ACOT8: variants seen among roughly 807,000 people sequenced by gnomAD.
ACOT8 encodes acyl-CoA thioesterase 8, also known as acyl-coenzyme A thioesterase 8.
In ACOT8, 31 loss-of-function variants were observed where a neutral mutation model predicts 38.4. That is an observed-to-expected ratio of 0.81 (90% CI 0.61 to 1.09). ACOT8 has a LOEUF of 1.09. Among genes scored for constraint, ACOT8 ranks in the 50% least tolerant of loss-of-function variants. ACOT8 has a pLI of 0.00. For synonymous variants in ACOT8, 158 were observed against 170.3 expected, an observed-to-expected ratio of 0.93 and a Z score of 0.56; for missense variants, 373 against 421.8, an observed-to-expected ratio of 0.88 and a Z score of 1.01.
chr20:45,843,444 A>C, intron 5 of ACOT8, 83 bp downstream of exon 5: 1 of 1,514,796 alleles, frequency 6.6e-7, no homozygotes, highest in Non-Finnish European at 8.9e-7. Flanking sequence ...CCACACAGGA[A>C]GTCGGGAAAT....
chr20:45,844,930 A>G (rs923134579), intron 3 of ACOT8, among the ~76,000 whole-genome samples: 6 of 152,042 alleles, frequency 3.9e-5, no homozygotes, highest in African/African-American at 1.2e-4. Context: ...ATTATTTTCT[A>G]TTTTTTTAGA....
intron 4 of ACOT8, 118 bp from the exon 5 acceptor site, chr20:45,843,839 C>T (rs1316570669): frequency 1.6e-5 from 24 of 1,483,610 alleles, no homozygotes; most frequent in Admixed American, 4.5e-5. Context: ...TGCACAAGAG[C>T]GCTTGGCCTA....
chr20:45,843,092 A>G (rs1984367427), intron 5 of ACOT8: 1 of 1,118,116 alleles, frequency 8.9e-7, no homozygotes. Context: ...TCCAAGACCT[A>G]CTGAGTGAGA....
chr20:45,843,520 C>A lies in ACOT8; in HGVS notation c.841+7G>T. 1 of 1,608,778 alleles carries A rather than the reference C, an allele frequency of 6.2e-7. No homozygotes were observed. Among genetic ancestry groups the A allele is most frequent in the Non-Finnish European group, 8.5e-7 (1 of 1,176,812 alleles). On this transcript the variant is annotated splice_region_variant and intron_variant, in intron 5 of 5. Transcript: ENST00000217455. The stretch of plus-strand genomic sequence containing the variant: ...AGTGCCCTTGTCCCACACGGCCCCA[C>A]ACTCACCGGCCCAGGGGCTCTCGCA...
intron 1 of ACOT8, among the ~76,000 whole-genome samples, chr20:45,855,611 G>C (rs1046780828): frequency 3.9e-5 from 6 of 152,032 alleles, no homozygotes; most frequent in African/African-American, 1.5e-4. Flanking sequence ...AAATTAGCTG[G>C]ACGTGGTGGC....
chr20:45,855,139 G>T lies in ACOT8; in HGVS notation c.262+20C>A, dbSNP rs539105350. On this transcript the variant is annotated intron_variant, in intron 2 of 5. Transcript: ENST00000217455. ...GCTGGGCCACCAGGGTTGGGTTGGG[G>T]CAGGAAGTGGGGGGTTTACCTGCCC... The T allele has an allele frequency of 3.7e-6, 6 of 1,612,658 alleles. No individual in the cohort carries two copies. In the African/African-American group the frequency reaches 6.7e-5, roughly 18 times the overall value.
chr20:45,851,237 C>G (rs183195), intron 2 of ACOT8, among the ~76,000 whole-genome samples: 18,273 of 152,108 alleles, frequency 0.12, 2,256 homozygotes, highest in African/African-American at 0.31. Context: ...TATCAGAGTG[C>G]GAGCTCCTCA....
chr20:45,850,060 A>G (rs1004963728), intron 2 of ACOT8, among the ~76,000 whole-genome samples: 2 of 152,122 alleles, frequency 1.3e-5, no homozygotes, highest in African/African-American at 4.8e-5. Flanking sequence ...AATACAAAAA[A>G]TTAGCCAGGC....
At chr20:45,855,014 C>T in intron 2 of ACOT8, 145 bp downstream of exon 2, 1 of 1,186,606 alleles carries the variant, frequency 8.4e-7, no homozygotes, top group Non-Finnish European at 1.2e-6. Flanking sequence ...TCGTTCCACC[C>T]TAGACACCTC....
Position 45,848,580 on chromosome 20 carries a change from G to C in ACOT8, c.358C>G (p.Pro120Ala), listed in dbSNP as rs771068941. ...AAGGAGGCCTGGCAGATGAAGATGG[G>C]CTTCCCATGTTGCACGGCCTTCACA... ...RSVKAVQHGK[P>A]IFICQASFQQ... Residue 120 changes from proline to alanine, a missense_variant, in exon 3 of 6, where the codon CCC (proline) becomes GCC (alanine). Pro to Ala is a conservative substitution (Grantham distance 27, BLOSUM62 -1). Transcript: ENST00000217455. The C allele has an allele frequency of 2.5e-6, 4 of 1,614,094 alleles. No individual in the cohort carries two copies. The highest frequency in any genetic ancestry group is 1.1e-5 in the South Asian group (1 of 91,076).
chr20:45,842,508 G>C, intron 5 of ACOT8: 1 of 1,018,546 alleles, frequency 9.8e-7, no homozygotes, highest in African/African-American at 1.7e-5. Flanking sequence ...CCACCAAGGG[G>C]AAGAAAGGAC....
intron 2 of ACOT8, 54 bp from the exon 3 acceptor site, chr20:45,848,729 G>A (rs1568737818): frequency 1.5e-5 from 21 of 1,418,542 alleles, no homozygotes; most frequent in Non-Finnish European, 1.7e-5. Flanking sequence ...TCATCACAAC[G>A]CCTGACAGGC....
chr20:45,842,009 CTTT>C (rs370136124), intron 5 of ACOT8, 53 bp from the exon 6 acceptor site: 154 of 1,477,480 alleles, frequency 1.0e-4, no homozygotes, highest in East Asian at 4.9e-4. Flanking sequence ...GCCAAATACA[CTTT>C]TTTTTTTTTT....
Position 45,848,439 on chromosome 20 carries a change from A to T in ACOT8, c.488+11T>A. 2 of 1,565,312 alleles carry T rather than the reference A, an allele frequency of 1.3e-6. No homozygotes were observed. Among genetic ancestry groups the T allele is most frequent in the Non-Finnish European group, 8.7e-7 (1 of 1,151,008 alleles). On this transcript the variant is annotated intron_variant, in intron 3 of 5. Transcript: ENST00000217455. ...TTGAAAAGTCTGCCATGGAGCCTCC[A>T]GGTCTCTCACCTTAAATACTGGTCA...
intron 3 of ACOT8, 136 bp downstream of exon 3, chr20:45,848,311 ATAT>A (rs556182502): frequency 0.015 from 11,917 of 793,090 alleles, 140 homozygotes; most frequent in Non-Finnish European, 0.019. Flanking sequence ...TAATACATAC[ATAT>A]TATTCACTCC....
intron 4 of ACOT8, 177 bp from the exon 5 acceptor site, chr20:45,843,898 GC>G (rs1984469700): frequency 4.8e-6 from 6 of 1,241,626 alleles, no homozygotes; most frequent in Non-Finnish European, 5.4e-6. Flanking sequence ...CTTGGGGAGG[GC>G]AGGGGTGAGC....
intron 1 of ACOT8, among the ~76,000 whole-genome samples, chr20:45,856,484 A>T (rs2007155): frequency 0.43 from 66,104 of 152,024 alleles, 16,990 homozygotes; most frequent in Admixed American, 0.56. Context: ...GTTCGAGACC[A>T]GCCTGGCCAA....
rs753837428 is a variant in ACOT8 at position 45,855,243 on chromosome 20, C to T, written c.178G>A (p.Val60Met). 10 of 1,614,142 alleles carry T rather than the reference C, an allele frequency of 6.2e-6. No individual in the cohort carries two copies. Among genetic ancestry groups the T allele is most frequent in the Non-Finnish European group, 8.5e-6 (10 of 1,180,026 alleles). The change falls in exon 2 of 6, where the codon GTG (valine) becomes ATG (methionine). Residue 60 changes from valine (V) to methionine (M), a missense_variant. Coordinates refer to ENST00000217455, the MANE Select transcript of ACOT8 (RefSeq NM_005469.4). Reference protein sequence around the residue: ...PAKRLFGGQIVGQALVAAAKS... With the variant: ...PAKRLFGGQIMGQALVAAAKS... ...GCTGCAGCCACCAGGGCCTGGCCCA[C>T]GATCTGACCACCAAACAGCCTCTTG... is the stretch of plus-strand genomic sequence containing the variant.
rs758433775 is a variant in ACOT8, at chr20:45,841,849, T to C, written c.949A>G (p.Ser317Gly). ...GCTGGTACCTCTGGCTACAGCTTGC[T>C]CTCTGAGACCTGGGGCTTCACTCGG... Reference protein sequence around the residue: ...VIRVKPQVSESKL With the variant: ...VIRVKPQVSEGKL Residue 317 changes from serine to glycine, a missense_variant, in exon 6 of 6, where the codon AGC becomes GGC. By Grantham distance (56) the Ser-to-Gly change is moderately conservative. Transcript: ENST00000217455. 6.2e-7 allele frequency: 1 copy of C among 1,605,102 alleles called. No individual in the cohort carries two copies. Among genetic ancestry groups the C allele is most frequent in the South Asian group, 1.1e-5 (1 of 90,002 alleles).
Sources: allele counts gnomAD v4.1 joint callset (sites outside exome capture counted in the v4.1 genomes callset), GRCh38; gene constraint gnomAD v4.1.1; transcripts MANE v1.5; gene names NCBI Gene and HGNC (gene_info 2026-07-23, HGNC 2026-07-21).